Variants in PLCB2 observed in about 807,000 individuals in gnomAD.
The protein encoded by PLCB2 is 1-phosphatidylinositol 4,5-bisphosphate phosphodiesterase beta-2.
PLCB2 carries 115 observed loss-of-function variants against 141.7 expected under a neutral mutation model. The ratio of observed to expected loss-of-function variants is 0.81; its 90% CI spans 0.70 to 0.95. The LOEUF (loss-of-function observed/expected upper bound fraction) is 0.95. Among genes scored for constraint, PLCB2 ranks in the 40% least tolerant of loss-of-function variants. The pLI is 0.00. For synonymous variants in PLCB2, 603 were observed against 595.6 expected, an observed-to-expected ratio of 1.01 and a Z score of -0.18; for missense variants, 1,403 against 1,541.1, an observed-to-expected ratio of 0.91 and a Z score of 1.50.
chr15:40,296,717 A>AC (rs2040240727), intron 14 of PLCB2, 29 bp downstream of exon 14: 3 of 1,606,666 alleles, frequency 1.9e-6, no homozygotes, highest in Admixed American at 1.7e-5. Flanking sequence ...TGCTCCTAAT[A>AC]CCCCCCACCA....
rs977391123 is a variant in PLCB2 at position 40,296,978 on chromosome 15, G to A, written c.1324-70C>T. On this transcript the variant is annotated intron_variant, in intron 13 of 31. Coordinates refer to ENST00000260402, the MANE Select transcript of PLCB2 (RefSeq NM_004573.3). ...GCATAGCCTGAGCTCCTTATTACCA[G>A]GCATGCTCCCTCGGCCTCCCCCACT... 3 of 1,528,576 alleles carry A rather than the reference G, an allele frequency of 2.0e-6. No individual in the cohort carries two copies. In the African/African-American group the frequency reaches 4.2e-5, roughly 21 times the overall value. The allele number at this position is 1,528,576 out of a possible 1,614,324, so 94.7% of individuals were successfully genotyped here.
chr15:40,292,364 C>T lies in PLCB2; in HGVS notation c.2406G>A (p.Lys802=). ...MPALFIFLEM[K]DYIPGAWADL... ...CTGCCCAAGCACCAGGTATGTAGTC[C>T]TTCATCTCCAGGAAGATGAAGAGCG... Residue 802 remains lysine, a synonymous_variant, in exon 22 of 32, where the codon AAG becomes AAA. Transcript: ENST00000260402. The T allele has an allele frequency of 6.2e-7, 1 of 1,613,470 alleles. No individual in the cohort carries two copies.
In PLCB2 at chr15:40,299,605, A is replaced by C. The variant is rs538821399; in HGVS notation, c.583-377T>G. Among the ~76,000 whole-genome samples, 12 of 152,340 alleles carry C rather than the reference A, an allele frequency of 7.9e-5. No individual in the cohort carries two copies. In the South Asian group the frequency reaches 2.5e-3, roughly 32 times the overall value. The stretch of plus-strand genomic sequence containing the variant: ...GCAATTTGAATATAAACATATATGC[A>C]CCTAACAACAGAACCCCATAATATA... On this transcript the variant is annotated intron_variant, in intron 7 of 31. Coordinates refer to ENST00000260402, the MANE Select transcript of PLCB2 (RefSeq NM_004573.3).
At chr15:40,292,525 C>G in intron 21 of PLCB2, 82 bp from the exon 22 acceptor site, 1 of 906,490 alleles carries the variant, frequency 1.1e-6, no homozygotes, top group Non-Finnish European at 1.7e-6. Context: ...ACCCAAGGGT[C>G]TGAGTCTGGC....
At position 40,288,363 on chromosome 15, in the gene PLCB2, C is replaced by T. The variant is rs1426430970; in HGVS notation, c.*352G>A. The T allele has an allele frequency of 1.9e-6, 2 of 1,034,306 alleles. No individual in the cohort carries two copies. Among genetic ancestry groups the T allele is most frequent in the Admixed American group, 5.2e-5 (1 of 19,166 alleles). The allele number at this position is 1,034,306 out of a possible 1,614,324, so 64.1% of individuals were successfully genotyped here. A position where few individuals can be genotyped will look rare whatever the true frequency, so the allele number is the denominator to read the frequency against. On this transcript the variant is annotated 3_prime_UTR_variant, in exon 32 of 32. Coordinates refer to ENST00000260402, the MANE Select transcript of PLCB2 (RefSeq NM_004573.3). Reference sequence around the variant, plus strand: ...ACCCTCCAGGTGAGGAAACTGAGCCCAGAGCTGGTTGCTCAATAGGAAAGG... The same window carrying T: ...ACCCTCCAGGTGAGGAAACTGAGCCTAGAGCTGGTTGCTCAATAGGAAAGG...
At chr15:40,285,582 C>A, downstream of PLCB2, 1 of 985,004 alleles carries the variant, frequency 1.0e-6, no homozygotes, top group Non-Finnish European at 1.2e-6. Flanking sequence ...TCTGGGGTGG[C>A]CCCCAGGAAT....
chr15:40,288,983 G>T, intron 31 of PLCB2, 65 bp from the exon 32 acceptor site: 5 of 1,580,768 alleles, frequency 3.2e-6, no homozygotes, highest in Non-Finnish European at 3.4e-6. Flanking sequence ...TCGCTCCCTG[G>T]ACAGTGGGAA....
downstream of PLCB2, among the ~76,000 whole-genome samples, chr15:40,286,468 G>T (rs1043482308): frequency 1.3e-5 from 2 of 152,236 alleles, no homozygotes; most frequent in African/African-American, 4.8e-5. Flanking sequence ...GATCCAGAGG[G>T]CTGCTCAGGG....
intron 10 of PLCB2, 54 bp from the exon 11 acceptor site, chr15:40,298,434 C>A (rs2040343938): frequency 6.4e-7 from 1 of 1,571,930 alleles, no homozygotes; most frequent in South Asian, 1.2e-5. Context: ...CAGCCCAGCT[C>A]TCCCCCTACC....
chr15:40,292,326 C>T lies in PLCB2; in HGVS notation c.2431+13G>A, dbSNP rs750887104. The T allele has an allele frequency of 6.3e-7, 1 of 1,590,376 alleles. No homozygotes were observed. Among genetic ancestry groups the T allele is most frequent in the East Asian group, 2.2e-5 (1 of 44,576 alleles). ...AGACACCCCGAGGCTCCTGGCATGC[C>T]ATGGGCTCCTACCTGCCCAAGCACC... On this transcript the variant is annotated intron_variant, in intron 22 of 31. Transcript: ENST00000260402.
chr15:40,300,069 C>T (rs192230790), intron 7 of PLCB2, among the ~76,000 whole-genome samples: 1 of 152,342 alleles, frequency 6.6e-6, no homozygotes, highest in Admixed American at 6.5e-5. Flanking sequence ...CCACACAGCA[C>T]TTTGGGAGGC....
At chr15:40,292,185 C>T in intron 22 of PLCB2, 27 bp from the exon 23 acceptor site, 4 of 1,598,872 alleles carry the variant, frequency 2.5e-6, no homozygotes, top group Non-Finnish European at 3.4e-6. Flanking sequence ...GACATTACAA[C>T]ATAGTGTATA....
chr15:40,292,968 A>G lies in PLCB2; in HGVS notation c.2284T>C (p.Phe762Leu), dbSNP rs760123479. The G allele has an allele frequency of 1.9e-6, 3 of 1,607,960 alleles. No homozygotes were observed. In the Admixed American group the frequency reaches 5.1e-5, roughly 27 times the overall value. Residue 762 changes from phenylalanine to leucine, a missense_variant, in exon 21 of 32, where the codon TTT becomes CTT. Phe to Leu is a conservative substitution (Grantham distance 22). This residue lies in a region of PLCB2 where 975 missense variants were observed against 1,141.1 expected (regional missense o/e 0.85). Coordinates refer to ENST00000260402, the MANE Select transcript of PLCB2 (RefSeq NM_004573.3). Reference protein sequence around the residue: ...RVAVMEEGNKFLGHRIIPINA... With the variant: ...RVAVMEEGNKLLGHRIIPINA... ...ATGGGGATGATGCGGTGTCCAAGAA[A>G]CTTGTTGCCTTCCTCCATCACAGCC...
At position 40,297,820 on chromosome 15, in the gene PLCB2, G is replaced by A; in HGVS notation, c.1238+57C>T. ...TGGGGCAGTTGTGGGGAGGACAGTT[G>A]CAGACAGGAGACTGGGGGCTGGGTG... On this transcript the variant is annotated intron_variant, in intron 12 of 31. Transcript: ENST00000260402. This position sits in a 1 kb window ranked among gnomAD's most constrained non-coding sequence, Gnocchi z 4.2. 2 of 1,369,534 alleles carry A rather than the reference G, an allele frequency of 1.5e-6. No individual in the cohort carries two copies. Among genetic ancestry groups the A allele is most frequent in the Non-Finnish European group, 1.0e-6 (1 of 960,432 alleles). The allele number at this position is 1,369,534 out of a possible 1,614,324, so 84.8% of individuals were successfully genotyped here. A position where few individuals can be genotyped will look rare whatever the true frequency, so the allele number is the denominator to read the frequency against.
Position 40,302,002 on chromosome 15 carries a change from C to A in PLCB2, c.537G>T (p.Lys179Asn), listed in dbSNP as rs200517392. ...NFFQMFPADR[K>N]RVEAALSACH... is the part of the protein sequence containing the mutation. Reference sequence around the variant, plus strand: ...AGGCACTGAGAGCAGCTTCCACCCGCTTGCGGTCAGCAGGAAACATCTGGA... The same window carrying A: ...AGGCACTGAGAGCAGCTTCCACCCGATTGCGGTCAGCAGGAAACATCTGGA... The change falls in exon 7 of 32, where the codon AAG (lysine) becomes AAT (asparagine). Residue 179 changes from lysine (K) to asparagine (N), a missense_variant. By Grantham distance (94) the Lys-to-Asn change is moderately conservative. Transcript: ENST00000260402. 3.7e-6 allele frequency: 6 copies of A among 1,614,052 alleles called. No individual in the cohort carries two copies. Among genetic ancestry groups the A allele is most frequent in the Non-Finnish European group, 5.1e-6 (6 of 1,180,034 alleles).
intron 16 of PLCB2, among the ~76,000 whole-genome samples, chr15:40,295,490 T>TGC: frequency 6.6e-6 from 1 of 151,360 alleles, no homozygotes; most frequent in East Asian, 1.9e-4. Flanking sequence ...TCTCAGTGTG[T>TGC]ATGCACAGGG....
In PLCB2 at chr15:40,299,211, A is replaced by C; in HGVS notation, c.600T>G (p.Pro200=). The C allele has an allele frequency of 1.2e-6, 2 of 1,613,212 alleles. No homozygotes were observed. The highest frequency in any genetic ancestry group is 1.7e-6 in the Non-Finnish European group (2 of 1,179,084). ...TGTAGACAGGTTCTGGGAAGTCCTC[A>C]GGATTGATGGCGTCATTCTAGGGGC... The part of the protein sequence containing the change: ...LPKGKNDAIN[P]EDFPEPVYKS... Residue 200 remains proline (P), a synonymous_variant, in exon 8 of 32, where the codon CCT becomes CCG. Coordinates refer to ENST00000260402, the MANE Select transcript of PLCB2 (RefSeq NM_004573.3).
chr15:40,303,472 A>G, intron 2 of PLCB2, 116 bp from the exon 3 acceptor site: 1 of 741,940 alleles, frequency 1.3e-6, no homozygotes, highest in Non-Finnish European at 2.4e-6. Flanking sequence ...ATCTTGGCCA[A>G]CACCTCTCTC....
chr15:40,289,169 C>T (rs1353207180), intron 31 of PLCB2, 103 bp downstream of exon 31: 2 of 1,111,492 alleles, frequency 1.8e-6, no homozygotes, highest in Non-Finnish European at 2.7e-6. Flanking sequence ...AGGATGATGG[C>T]CCCCTTCCCC....
Sources: allele counts gnomAD v4.1 joint callset (sites outside exome capture counted in the v4.1 genomes callset), GRCh38; gene constraint gnomAD v4.1.1; regional missense constraint gnomAD v4.1.1; non-coding constraint Gnocchi (gnomAD v3.1); transcripts MANE v1.5; gene names NCBI Gene and HGNC (gene_info 2026-07-23, HGNC 2026-07-21).